Variants in RCOR2 observed in about 807,000 individuals in gnomAD.
The protein encoded by RCOR2 is REST corepressor 2.
In RCOR2, 19 loss-of-function variants were observed where a neutral mutation model predicts 58.9. The ratio of observed to expected loss-of-function variants is 0.32; its 90% CI spans 0.23 to 0.47. The LOEUF (loss-of-function observed/expected upper bound fraction) is 0.47. RCOR2 is among the 20% of genes least tolerant of loss of function. The pLI is 1.00. For synonymous variants in RCOR2, 286 were observed against 278.7 expected (o/e 1.03, Z -0.26); for missense variants, 590 against 707.9 (o/e 0.83, Z 1.89).
chr11:63,926,439 AC>A, the RCOR2 span, among the ~76,000 whole-genome samples: 1 of 150,388 alleles, frequency 6.6e-6, no homozygotes, highest in Non-Finnish European at 1.5e-5. Flanking sequence ...TATATACAAT[AC>A]CTGGAATGAA....
chr11:63,925,800 C>CA, the RCOR2 span, among the ~76,000 whole-genome samples: 64,604 of 134,102 alleles, frequency 0.48, 16,235 homozygotes, highest in East Asian at 0.82. Context: ...GACCCTGTCT[C>CA]AAAAAAAAAA....
At chr11:63,926,243 T>A in the RCOR2 span, among the ~76,000 whole-genome samples, 36 of 151,846 alleles carry the variant, frequency 2.4e-4, no homozygotes, top group Non-Finnish European at 1.6e-4. Flanking sequence ...ATGTAAGGAG[T>A]AGGCCAATAC....
rs745567946 is a variant in RCOR2, at chr11:63,913,992, G to A, written c.853C>T (p.Arg285Ter). 5 of 1,613,780 alleles carry A rather than the reference G, an allele frequency of 3.1e-6. No homozygotes were observed. Among genetic ancestry groups the A allele is most frequent in the Admixed American group, 1.7e-5 (1 of 60,016 alleles). Reference protein sequence around the residue: ...GSPDLANLTLRGLDSQLISLK... With the variant: ...GSPDLANLTL ...GAGATGAGCTGAGAGTCAAGACCTCGGAGCGTGAGGTTGGCAAGGTCCGGG... is the reference window on the plus strand; with the variant it reads ...GAGATGAGCTGAGAGTCAAGACCTCAGAGCGTGAGGTTGGCAAGGTCCGGG... The change falls in exon 8 of 12, where the codon CGA becomes TGA. Residue 285 changes from arginine to a stop codon, truncating the protein, a stop_gained. Transcript: ENST00000301459. LOFTEE classifies it high-confidence loss of function.
chr11:63,918,778 C>A (rs1420572761), upstream of RCOR2, among the ~76,000 whole-genome samples: 1 of 152,254 alleles, frequency 6.6e-6, no homozygotes, highest in South Asian at 2.1e-4. Context: ...CATCTTGCCC[C>A]CGCCCCCTAT....
upstream of RCOR2, among the ~76,000 whole-genome samples, chr11:63,921,061 C>G (rs1033869467): frequency 2.6e-5 from 4 of 152,186 alleles, no homozygotes; most frequent in Admixed American, 2.6e-4. Flanking sequence ...AGACCAGGCG[C>G]GGGGTCAGCA....
intron 6 of RCOR2, 31 bp downstream of exon 6, chr11:63,914,386 C>T (rs368890960): frequency 1.2e-5 from 20 of 1,612,286 alleles, no homozygotes; most frequent in Non-Finnish European, 1.6e-5. Flanking sequence ...CTCTACCTAC[C>T]CCCATGCCCA....
the RCOR2 span, among the ~76,000 whole-genome samples, chr11:63,925,820 G>A: frequency 6.6e-6 from 1 of 151,834 alleles, no homozygotes; most frequent in African/African-American, 2.4e-5. Context: ...AAAAAGATGG[G>A]AGTCTGAGGC....
chr11:63,915,493 G>A (rs1362086890), intron 2 of RCOR2, 62 bp downstream of exon 2: 8 of 1,507,624 alleles, frequency 5.3e-6, no homozygotes, highest in South Asian at 3.6e-5. Flanking sequence ...CCCAGGTGGG[G>A]CTGCAGGCCA....
intron 3 of RCOR2, 54 bp downstream of exon 3, chr11:63,915,124 C>T (rs756637298): frequency 2.6e-4 from 394 of 1,523,128 alleles, no homozygotes; most frequent in Non-Finnish European, 3.4e-4. Flanking sequence ...GAAGAGCTAG[C>T]TTGGAGCTGG....
the RCOR2 span, among the ~76,000 whole-genome samples, chr11:63,923,980 C>T: frequency 6.6e-6 from 1 of 152,232 alleles, no homozygotes; most frequent in Non-Finnish European, 1.5e-5. Flanking sequence ...ACGATCTTGG[C>T]TCACCACAAC....
upstream of RCOR2, among the ~76,000 whole-genome samples, chr11:63,920,164 G>C (rs1013297754): frequency 3.3e-5 from 5 of 152,218 alleles, no homozygotes; most frequent in Non-Finnish European, 7.3e-5. Context: ...CTGTGCTTTC[G>C]GGGCCTGGCA....
At position 63,912,451 on chromosome 11, in the gene RCOR2, CAAAG is replaced by C. The variant is rs1308134238; in HGVS notation, c.1107_1110del (p.Phe369LeufsTer2). The C allele has an allele frequency of 2.5e-6, 4 of 1,614,032 alleles. No individual in the cohort carries two copies. The highest frequency in any genetic ancestry group is 2.5e-6 in the Non-Finnish European group (3 of 1,180,010). The stretch of plus-strand genomic sequence containing the variant: ...AGATTGAAGCGGCGCCGGTAGCTCA[CAAAG>C]AAAGTCTTCACCTGGGTCAGAGTCT... On this transcript the variant is annotated frameshift_variant, in exon 11 of 12. Transcript: ENST00000301459. LOFTEE classifies it high-confidence loss of function.
At chr11:63,919,686 G>T (rs1941903596), upstream of RCOR2, among the ~76,000 whole-genome samples, 2 of 152,332 alleles carry the variant, frequency 1.3e-5, no homozygotes, top group African/African-American at 4.8e-5. Context: ...GGGCAGCGCG[G>T]CCGAGAACCC....
chr11:63,915,468 G>T, intron 2 of RCOR2, 87 bp downstream of exon 2: 1 of 1,402,598 alleles, frequency 7.1e-7, no homozygotes, highest in Non-Finnish European at 9.9e-7. Context: ...TTCCAGGGGA[G>T]CCAATCAAGG....
chr11:63,915,422 C>A, intron 2 of RCOR2, 133 bp downstream of exon 2: 2 of 1,163,208 alleles, frequency 1.7e-6, no homozygotes, highest in East Asian at 2.6e-5. Context: ...GAAAGCAAAC[C>A]ATGCTGGGGG....
At chr11:63,920,985 G>C (rs1350856438), upstream of RCOR2, among the ~76,000 whole-genome samples, 1 of 152,246 alleles carries the variant, frequency 6.6e-6, no homozygotes, top group East Asian at 1.9e-4. Context: ...CGGTGGCCGT[G>C]CAAGGAGGCG....
chr11:63,916,398 G>C lies in RCOR2; in HGVS notation c.59C>G (p.Ala20Gly). 6.2e-7 allele frequency: 1 copy of C among 1,607,624 alleles called. No individual in the cohort carries two copies. Among genetic ancestry groups the C allele is most frequent in the Non-Finnish European group, 8.5e-7 (1 of 1,177,766 alleles). The change falls in exon 1 of 12, where the codon GCC becomes GGC. Residue 20 changes from alanine (A) to glycine (G), a missense_variant. Transcript: ENST00000301459. ...AGSGILSRSR[A>G]KTVPNGGQPH... ...CTGTCCGCCGTTGGGCACCGTCTTG[G>C]CCCGGCTACGGGACAGGATCCCAGA...
At chr11:63,924,240 C>T in the RCOR2 span, among the ~76,000 whole-genome samples, 1 of 149,236 alleles carries the variant, frequency 6.7e-6, no homozygotes. Context: ...AGGAGTCTCA[C>T]TCTGTTGCCC....
chr11:63,925,415 T>G, the RCOR2 span, among the ~76,000 whole-genome samples: 1 of 152,072 alleles, frequency 6.6e-6, no homozygotes, highest in South Asian at 2.1e-4. Context: ...CCAATCAGCA[T>G]GTTGTAAATG....
Sources: gnomAD v4.1 joint callset for allele counts (sites outside exome capture counted in the v4.1 genomes callset) on GRCh38, gnomAD v4.1.1 for gene constraint, MANE v1.5 for transcripts, NCBI Gene and HGNC (gene_info 2026-07-23, HGNC 2026-07-21) for gene names.